The following INPP4B variants were observed in gnomAD, a reference collection of about 807,000 sequenced individuals.
INPP4B encodes the protein inositol polyphosphate-4-phosphatase type II B.
Under a neutral mutation model 122.5 loss-of-function variants are expected in INPP4B, and 55 were observed. The ratio of observed to expected loss-of-function variants is 0.45; its 90% CI spans 0.36 to 0.56. The LOEUF (loss-of-function observed/expected upper bound fraction) is 0.56. INPP4B is among the 20% of genes least tolerant of loss of function. The pLI, the probability that INPP4B is intolerant of heterozygous loss-of-function variation, is 0.00. For missense variants in INPP4B, 1,000 were observed against 1,097.7 expected (o/e 0.91, Z 1.26); for synonymous variants, 403 against 388.7 (o/e 1.04, Z -0.43).
At chr4:142,253,897 G>A (rs966606675) in intron 11 of INPP4B, among the ~76,000 whole-genome samples, 3 of 152,140 alleles carry the variant, frequency 2.0e-5, no homozygotes, top group East Asian at 1.9e-4. Context: ...CCACCTCTGG[G>A]GGCAGGGCAC....
intron 1 of INPP4B, among the ~76,000 whole-genome samples, chr4:142,754,385 T>C (rs1447742589): frequency 1.3e-5 from 2 of 152,056 alleles, no homozygotes; most frequent in African/African-American, 4.8e-5. Context: ...ATCATGTGTC[T>C]GTATGTGAAT....
At chr4:142,361,173 T>C (rs959482822) in intron 7 of INPP4B, among the ~76,000 whole-genome samples, 1 of 151,976 alleles carries the variant, frequency 6.6e-6, no homozygotes, top group Non-Finnish European at 1.5e-5. Context: ...TATATTGCAC[T>C]TCATGGCTAC....
chr4:142,267,287 C>G (rs1561684365), intron 10 of INPP4B, among the ~76,000 whole-genome samples: 1 of 152,140 alleles, frequency 6.6e-6, no homozygotes, highest in East Asian at 1.9e-4. Context: ...CTGGAGGAAT[C>G]ATGTCAGCTG....
intron 7 of INPP4B, among the ~76,000 whole-genome samples, chr4:142,315,806 AG>A (rs1376542776): frequency 6.6e-6 from 1 of 151,768 alleles, no homozygotes; most frequent in East Asian, 1.9e-4. Context: ...AGGGGATTGG[AG>A]GGGAAGAATC....
chr4:142,690,179 G>A (rs1357772718), intron 2 of INPP4B, among the ~76,000 whole-genome samples: 1 of 152,110 alleles, frequency 6.6e-6, no homozygotes, highest in African/African-American at 2.4e-5. Flanking sequence ...GTCTTTCATT[G>A]ATCCATGAAT....
At chr4:142,336,204 T>C (rs985370180) in intron 7 of INPP4B, among the ~76,000 whole-genome samples, 2 of 152,240 alleles carry the variant, frequency 1.3e-5, no homozygotes, top group African/African-American at 4.8e-5. Context: ...GTTGTCCATG[T>C]ACCTCATTCC....
At chr4:142,215,461 T>C (rs1846718098) in intron 12 of INPP4B, among the ~76,000 whole-genome samples, 1 of 152,186 alleles carries the variant, frequency 6.6e-6, no homozygotes, top group Admixed American at 6.5e-5. Context: ...TAAATTATTA[T>C]TTGGGATTTT....
chr4:142,113,150 G>A (rs755145437), intron 21 of INPP4B, among the ~76,000 whole-genome samples: 1 of 152,012 alleles, frequency 6.6e-6, no homozygotes, highest in Non-Finnish European at 1.5e-5. Context: ...TGCGCTGATG[G>A]AAAGGTAATG....
intron 7 of INPP4B, among the ~76,000 whole-genome samples, chr4:142,336,188 C>T (rs368523252): frequency 3.3e-5 from 5 of 152,234 alleles, no homozygotes; most frequent in East Asian, 1.9e-4. Context: ...GCCTTGCTCA[C>T]TCTCTGTTGT....
chr4:142,609,666 A>G (rs981977918), intron 2 of INPP4B, among the ~76,000 whole-genome samples: 2 of 152,240 alleles, frequency 1.3e-5, no homozygotes, highest in Non-Finnish European at 2.9e-5. Context: ...GATACCATCT[A>G]TAAATATCCA....
chr4:142,173,959 C>G (rs1204197657), intron 15 of INPP4B, 150 bp from the exon 16 acceptor site: 1 of 683,672 alleles, frequency 1.5e-6, no homozygotes, highest in African/African-American at 1.8e-5. Flanking sequence ...GATGCACTAG[C>G]AATTTTTATG....
At chr4:142,080,551 T>C (rs1773370057) in intron 25 of INPP4B, among the ~76,000 whole-genome samples, 1 of 152,154 alleles carries the variant, frequency 6.6e-6, no homozygotes, top group South Asian at 2.1e-4. Context: ...TGCTATATCA[T>C]GAGCAAATGT....
chr4:142,630,963 C>G (rs1236618421), intron 2 of INPP4B, among the ~76,000 whole-genome samples: 1 of 152,048 alleles, frequency 6.6e-6, no homozygotes, highest in Non-Finnish European at 1.5e-5. Flanking sequence ...CTAGTGTGAC[C>G]AGGTGCCTGG....
chr4:142,674,214 T>A lies in INPP4B; in HGVS notation c.-191+51625A>T, dbSNP rs569595878. 2.0e-5 allele frequency among the ~76,000 whole-genome samples: 3 copies of A among 152,226 alleles called. No individual in the cohort carries two copies. In the South Asian group the frequency reaches 6.2e-4, roughly 32 times the overall value. ...CCCTCTGCCCACCTGCTTTTCCCAT[T>A]TTCATGCAGGATCATTTCCAAGAGT... is the stretch of plus-strand genomic sequence containing the variant. On this transcript the variant is annotated intron_variant, in intron 2 of 25. Transcript: ENST00000262992.
chr4:142,532,417 T>C (rs756729234), intron 2 of INPP4B, among the ~76,000 whole-genome samples: 9 of 152,190 alleles, frequency 5.9e-5, no homozygotes, highest in Non-Finnish European at 1.2e-4. Context: ...TCTGCTTTAC[T>C]TTTTCAGGGA....
intron 5 of INPP4B, among the ~76,000 whole-genome samples, chr4:142,410,387 T>C (rs1804352739): frequency 6.6e-6 from 1 of 152,236 alleles, no homozygotes; most frequent in Non-Finnish European, 1.5e-5. Context: ...GTCTTTTCTC[T>C]TGCCTCACTC....
chr4:142,840,925 A>C (rs1561129729), intron 1 of INPP4B, among the ~76,000 whole-genome samples: 1 of 152,120 alleles, frequency 6.6e-6, no homozygotes, highest in South Asian at 2.1e-4. Flanking sequence ...AAAATTTAAA[A>C]GATCTGAATG....
chr4:142,305,033 G>T (rs1762819902), intron 9 of INPP4B, among the ~76,000 whole-genome samples: 1 of 151,902 alleles, frequency 6.6e-6, no homozygotes, highest in Admixed American at 6.6e-5. Context: ...AAAATAGGCT[G>T]AAAAAAGAAT....
Position 142,580,575 on chromosome 4 carries a change from A to T in INPP4B, c.-190-117849T>A, listed in dbSNP as rs140827313. ...GTGTTAGTTCTACTCAGAAAAATGA[A>T]CCCAACACAGGTTACAAAGAACGTG... On this transcript the variant is annotated intron_variant, in intron 2 of 25. Transcript: ENST00000262992. Among the ~76,000 whole-genome samples the T allele has an allele frequency of 3.3e-3, 500 of 152,122 alleles. 7 individuals are homozygous for T. Among genetic ancestry groups the T allele is most frequent in the East Asian group, 0.018 (93 of 5,154 alleles).
Sources: gnomAD v4.1 joint callset for allele counts (sites outside exome capture counted in the v4.1 genomes callset) on GRCh38, gnomAD v4.1.1 for gene constraint, MANE v1.5 for transcripts, NCBI Gene and HGNC (gene_info 2026-07-23, HGNC 2026-07-21) for gene names.